Variants in CDKL1 observed in about 807,000 individuals in gnomAD.
CDKL1 encodes the protein cyclin-dependent kinase-like 1.
A neutral mutation model predicts 42.0 loss-of-function variants in CDKL1; 41 were observed. The observed-to-expected ratio is 0.98, with a 90% confidence interval of 0.76 to 1.27. The LOEUF (loss-of-function observed/expected upper bound fraction) is 1.27, where lower values mean the gene tolerates loss of function less well. Ranked by LOEUF, CDKL1 falls within the 50% of genes most tolerant of loss-of-function variation. CDKL1 has a pLI of 0.00. For missense variants in CDKL1, 394 were observed against 428.4 expected (o/e 0.92, Z 0.71); for synonymous variants, 153 against 158.6 (o/e 0.96, Z 0.26).
chr14:50,343,702 G>A (rs1260486029), intron 4 of CDKL1, among the ~76,000 whole-genome samples: 2 of 152,102 alleles, frequency 1.3e-5, no homozygotes, highest in Non-Finnish European at 2.9e-5. Flanking sequence ...AGGGAACTGT[G>A]GTATGCATTA....
At chr14:50,383,549 T>C in intron 2 of CDKL1, among the ~76,000 whole-genome samples, 1 of 50,454 alleles carries the variant, frequency 2.0e-5, no homozygotes, top group East Asian at 4.9e-4. Flanking sequence ...TGAGACTGTC[T>C]CAAAAAAAAA....
intron 2 of CDKL1, among the ~76,000 whole-genome samples, chr14:50,385,144 G>A (rs1024342994): frequency 1.3e-4 from 19 of 144,690 alleles, no homozygotes; most frequent in East Asian, 8.4e-4. Context: ...GAACAAGGTC[G>A]CCACAGTTTC....
intron 7 of CDKL1, 138 bp from the exon 8 acceptor site, chr14:50,334,759 A>C (rs1201145659): frequency 1.6e-6 from 1 of 636,898 alleles, no homozygotes; most frequent in African/African-American, 1.8e-5. Context: ...CCTCCTGCCC[A>C]AAACAGTCTC....
chr14:50,395,756 G>C lies in CDKL1; in HGVS notation c.113C>G (p.Ser38Ter). ...QIVAIKKFLE[S>*]EDDPVIKKIA... ...TTTCTTTATGACAGGGTCATCTTCT[G>C]ATTCCAGAAACTTCTTGATGGCCAC... is the stretch of plus-strand genomic sequence containing the variant. The change falls in exon 2 of 10, where the codon TCA (serine) becomes TGA (stop). Residue 38 changes from serine to a stop codon, truncating the protein, a stop_gained. Coordinates refer to ENST00000395834, the MANE Select transcript of CDKL1 (RefSeq NM_004196.7). LOFTEE classifies it high-confidence loss of function. 6.2e-7 allele frequency: 1 copy of C among 1,613,944 alleles called. No individual in the cohort carries two copies. Among genetic ancestry groups the C allele is most frequent in the Middle Eastern group, 1.6e-4 (1 of 6,062 alleles).
Position 50,345,069 on chromosome 14 carries a change from T to C in CDKL1, c.291-11A>G, listed in dbSNP as rs769926224. The C allele has an allele frequency of 2.5e-6, 4 of 1,612,274 alleles. No homozygotes were observed. The East Asian group carries it at 8.9e-5, about 36-fold the overall frequency. ...AGATGTTCTGGTACCCTAATAAAAATAAAGCAGCACAAACACATTCTTTAG... is the reference window on the plus strand; with the variant it reads ...AGATGTTCTGGTACCCTAATAAAAACAAAGCAGCACAAACACATTCTTTAG... On this transcript the variant is annotated splice_polypyrimidine_tract_variant and intron_variant, in intron 3 of 9. Coordinates refer to ENST00000395834, the MANE Select transcript of CDKL1 (RefSeq NM_004196.7).
At chr14:50,377,466 A>G (rs2034766303) in intron 2 of CDKL1, 2 of 699,610 alleles carry the variant, frequency 2.9e-6, no homozygotes, top group African/African-American at 1.9e-5. Flanking sequence ...TCACTTCCCA[A>G]AATAAACTCC....
At chr14:50,342,714 C>A (rs2033588968) in intron 4 of CDKL1, 2 of 358,264 alleles carry the variant, frequency 5.6e-6, no homozygotes, top group Admixed American at 1.0e-4. Flanking sequence ...CAAATTGGTG[C>A]ATAAGCAGAA....
chr14:50,356,092 C>G (rs2034048064), intron 3 of CDKL1, among the ~76,000 whole-genome samples: 1 of 152,166 alleles, frequency 6.6e-6, no homozygotes, highest in Non-Finnish European at 1.5e-5. Flanking sequence ...GGTAAGTATA[C>G]TAACCTAAGG....
At chr14:50,360,287 C>G (rs185057781) in intron 2 of CDKL1, among the ~76,000 whole-genome samples, 1 of 152,172 alleles carries the variant, frequency 6.6e-6, no homozygotes, top group East Asian at 1.9e-4. Flanking sequence ...TATTGTGCAA[C>G]CATCACCACC....
chr14:50,386,279 T>C (rs1427233853), intron 2 of CDKL1, among the ~76,000 whole-genome samples: 1 of 150,832 alleles, frequency 6.6e-6, no homozygotes, highest in African/African-American at 2.4e-5. Context: ...AAAAAATAAA[T>C]AAATTAGTCA....
At chr14:50,375,044 T>C (rs897923965) in intron 2 of CDKL1, among the ~76,000 whole-genome samples, 2 of 152,054 alleles carry the variant, frequency 1.3e-5, no homozygotes, top group African/African-American at 4.8e-5. Flanking sequence ...CTGTGGTACA[T>C]GTATACCTAT....
At chr14:50,334,438 T>A in intron 8 of CDKL1, 127 bp downstream of exon 8, 1 of 703,270 alleles carries the variant, frequency 1.4e-6, no homozygotes, top group Non-Finnish European at 2.5e-6. Context: ...TGTGAGCCAC[T>A]GCCCAGCCAG....
intron 2 of CDKL1, among the ~76,000 whole-genome samples, chr14:50,376,574 T>C (rs1326898760): frequency 1.3e-5 from 2 of 152,128 alleles, no homozygotes; most frequent in Non-Finnish European, 2.9e-5. Flanking sequence ...CTGATGACCA[T>C]GATGTTATTG....
rs545263213 is a variant in CDKL1 at position 50,330,198 on chromosome 14, C to A, written c.967-17G>T. 1 of 1,597,090 alleles carries A rather than the reference C, an allele frequency of 6.3e-7. No individual in the cohort carries two copies. The highest frequency in any genetic ancestry group is 2.2e-5 in the East Asian group (1 of 44,710). On this transcript the variant is annotated splice_polypyrimidine_tract_variant and intron_variant, in intron 9 of 9. Coordinates refer to ENST00000395834, the MANE Select transcript of CDKL1 (RefSeq NM_004196.7). ...GTACTGCAACTAAAAATGCAAAACA[C>A]AGAATTAGGTTCAAAACTGTGCCAT...
At chr14:50,337,681 C>T (rs76994423) in intron 7 of CDKL1, among the ~76,000 whole-genome samples, 6 of 133,588 alleles carry the variant, frequency 4.5e-5, no homozygotes, top group Non-Finnish European at 6.3e-5. Flanking sequence ...TTTTTTCTTT[C>T]TTTTTTTTTT....
chr14:50,358,634 G>GTTTTTTTT (rs1379484175), intron 3 of CDKL1, among the ~76,000 whole-genome samples: 9 of 45,118 alleles, frequency 2.0e-4, no homozygotes, highest in East Asian at 5.8e-4. Flanking sequence ...TTTTTAACTA[G>GTTTTTTTT]TCTTTTTTTT....
At chr14:50,346,222 G>A (rs2033717917) in intron 3 of CDKL1, among the ~76,000 whole-genome samples, 1 of 152,084 alleles carries the variant, frequency 6.6e-6, no homozygotes, top group Non-Finnish European at 1.5e-5. Flanking sequence ...GGGGGTGTTT[G>A]AACAGAGAGT....
At chr14:50,394,906 G>A (rs184227067) in intron 2 of CDKL1, among the ~76,000 whole-genome samples, 25 of 152,252 alleles carry the variant, frequency 1.6e-4, no homozygotes, top group Admixed American at 9.8e-4. Context: ...GGAGGCCAAG[G>A]TGGAAGGATC....
At chr14:50,330,890 G>T (rs1290914812) in intron 9 of CDKL1, 1 of 152,174 alleles carries the variant, frequency 6.6e-6, no homozygotes, top group Non-Finnish European at 1.5e-5. Flanking sequence ...ATTGTCCTCA[G>T]AAAAGTGCTT....
Sources: gnomAD v4.1 joint callset for allele counts (sites outside exome capture counted in the v4.1 genomes callset) on GRCh38, gnomAD v4.1.1 for gene constraint, MANE v1.5 for transcripts, NCBI Gene and HGNC (gene_info 2026-07-23, HGNC 2026-07-21) for gene names.